MGLL: variants seen among roughly 807,000 people sequenced by gnomAD.
MGLL encodes the protein lysophospholipase homolog.
Under a neutral mutation model 29.1 loss-of-function variants are expected in MGLL, and 7 were observed. The ratio of observed to expected loss-of-function variants is 0.24; its 90% CI spans 0.14 to 0.45. The LOEUF (loss-of-function observed/expected upper bound fraction) is 0.45. Among genes scored for constraint, MGLL ranks in the 20% least tolerant of loss-of-function variants. The pLI, the probability that MGLL is intolerant of heterozygous loss-of-function variation, is 0.99. For synonymous variants in MGLL, 148 were observed against 168.3 expected, an observed-to-expected ratio of 0.88 and a Z score of 0.93; for missense variants, 356 against 413.6, an observed-to-expected ratio of 0.86 and a Z score of 1.21.
chr3:127,720,587 CTAACAGTCAGAG>C (rs1443250164), intron 5 of MGLL, among the ~76,000 whole-genome samples: 1 of 152,192 alleles, frequency 6.6e-6, no homozygotes, highest in Non-Finnish European at 1.5e-5. Context: ...TCACGGATCC[CTAACAGTCAGAG>C]GTCAAAAGTG....
At position 127,754,832 on chromosome 3, in the gene MGLL, G is replaced by A. The variant is rs367547572; in HGVS notation, c.262+26957C>T. Among the ~76,000 whole-genome samples, 41 of 152,336 alleles carry A rather than the reference G, an allele frequency of 2.7e-4. No individual in the cohort carries two copies. In the South Asian group the frequency reaches 6.4e-3, roughly 24 times the overall value. On this transcript the variant is annotated intron_variant, in intron 3 of 7. Transcript: ENST00000265052. ...AGCGAGAACGTCATCAGAGAGGGGC[G>A]CGTGGGGTGTGCATCTTGGGAGCTG...
chr3:127,721,037 T>A lies in MGLL; in HGVS notation c.510+16A>T, dbSNP rs746634110. ...GGGAACCTGTAGGAATTGTACAGAC[T>A]GGAAGGTCCTTTTACCTTGAAAGTT... On this transcript the variant is annotated intron_variant, in intron 5 of 7. Coordinates refer to ENST00000265052, the MANE Select transcript of MGLL (RefSeq NM_007283.7). 4.4e-6 allele frequency: 7 copies of A among 1,606,052 alleles called. No individual in the cohort carries two copies. In the South Asian group the frequency reaches 6.6e-5, roughly 15 times the overall value.
chr3:127,719,897 G>A (rs1356026632), intron 5 of MGLL, among the ~76,000 whole-genome samples: 2 of 152,136 alleles, frequency 1.3e-5, no homozygotes, highest in African/African-American at 2.4e-5. Flanking sequence ...GTAAATCATC[G>A]TTCTCTGGCT....
intron 2 of MGLL, among the ~76,000 whole-genome samples, chr3:127,782,755 G>C (rs1559967171): frequency 6.6e-6 from 1 of 152,242 alleles, no homozygotes; most frequent in Admixed American, 6.5e-5. Context: ...TGAGGGGAAA[G>C]AGGAGGAGGA....
At chr3:127,816,929 C>G (rs964525178) in intron 2 of MGLL, among the ~76,000 whole-genome samples, 1 of 152,260 alleles carries the variant, frequency 6.6e-6, no homozygotes, top group African/African-American at 2.4e-5. Context: ...AGTCCATCCA[C>G]GGCCTGTGTT....
intron 3 of MGLL, among the ~76,000 whole-genome samples, chr3:127,739,937 G>A (rs1160497117): frequency 3.9e-5 from 6 of 152,180 alleles, no homozygotes; most frequent in Non-Finnish European, 7.3e-5. Context: ...CTCATAAAAT[G>A]CAGGTGTGGG....
chr3:127,781,731 G>A (rs1313604361), intron 3 of MGLL, 58 bp downstream of exon 3: 1 of 1,411,296 alleles, frequency 7.1e-7, no homozygotes, highest in East Asian at 2.3e-5. Flanking sequence ...GGACTAGAGA[G>A]GGAGATCTCC....
At chr3:127,698,602 G>A (rs2075418419) in intron 6 of MGLL, among the ~76,000 whole-genome samples, 2 of 152,166 alleles carry the variant, frequency 1.3e-5, no homozygotes, top group South Asian at 4.1e-4. Context: ...GGCGAGTGGG[G>A]AGGGGATGCA....
At chr3:127,708,903 C>G (rs1037945459) in intron 6 of MGLL, among the ~76,000 whole-genome samples, 3 of 152,352 alleles carry the variant, frequency 2.0e-5, no homozygotes, top group African/African-American at 7.2e-5. Flanking sequence ...GGAAACAGAG[C>G]TTAATGACCA....
intron 2 of MGLL, among the ~76,000 whole-genome samples, chr3:127,807,952 C>A (rs768275778): frequency 2.6e-5 from 4 of 151,574 alleles, no homozygotes; most frequent in Non-Finnish European, 5.9e-5. Flanking sequence ...AGTAGGGATG[C>A]GATTTCACCA....
At chr3:127,777,802 T>C (rs944341512) in intron 3 of MGLL, among the ~76,000 whole-genome samples, 1 of 152,192 alleles carries the variant, frequency 6.6e-6, no homozygotes, top group Admixed American at 6.5e-5. Flanking sequence ...TCCTCACTTA[T>C]AAAATGGGGA....
At chr3:127,714,308 G>A (rs2075774488) in intron 5 of MGLL, among the ~76,000 whole-genome samples, 1 of 152,164 alleles carries the variant, frequency 6.6e-6, no homozygotes, top group African/African-American at 2.4e-5. Flanking sequence ...GATGTGGGGA[G>A]AGCACATCCT....
chr3:127,733,794 T>C (rs1159630639), intron 3 of MGLL, among the ~76,000 whole-genome samples: 1 of 152,222 alleles, frequency 6.6e-6, no homozygotes, highest in Non-Finnish European at 1.5e-5. Context: ...AAGGACCCTA[T>C]GCAGCCATCG....
chr3:127,719,779 C>T (rs968058148), intron 5 of MGLL, among the ~76,000 whole-genome samples: 1 of 152,190 alleles, frequency 6.6e-6, no homozygotes, highest in African/African-American at 2.4e-5. Flanking sequence ...GGTACTGTCC[C>T]ACACAGCACT....
At chr3:127,792,484 A>C (rs1316660355) in intron 2 of MGLL, among the ~76,000 whole-genome samples, 2 of 152,140 alleles carry the variant, frequency 1.3e-5, no homozygotes, top group Non-Finnish European at 2.9e-5. Context: ...AGGTCAGATC[A>C]TGAGGTCAAG....
intron 6 of MGLL, among the ~76,000 whole-genome samples, chr3:127,698,198 C>A (rs980375335): frequency 2.0e-5 from 3 of 152,134 alleles, no homozygotes; most frequent in Admixed American, 2.0e-4. Flanking sequence ...TGAACCACAG[C>A]CTGGACCGGA....
chr3:127,744,797 A>C (rs963942193), intron 3 of MGLL, among the ~76,000 whole-genome samples: 1 of 152,218 alleles, frequency 6.6e-6, no homozygotes, highest in African/African-American at 2.4e-5. Flanking sequence ...CCTATACTGT[A>C]TATTCAGAAC....
chr3:127,695,286 G>T, intron 6 of MGLL, 96 bp from the exon 7 acceptor site: 1 of 1,289,164 alleles, frequency 7.8e-7, no homozygotes, highest in Non-Finnish European at 1.1e-6. Flanking sequence ...GCTCTGGCCT[G>T]AAGGGTTGAT....
Position 127,722,484 on chromosome 3 carries a change from A to C in MGLL, c.345T>G (p.Asp115Glu), listed in dbSNP as rs2075948021. The C allele has an allele frequency of 1.2e-6, 2 of 1,614,058 alleles. No homozygotes were observed. Among genetic ancestry groups the C allele is most frequent in the African/African-American group, 2.7e-5 (2 of 74,926 alleles). ...VFVRDVLQHV[D>E]SMQKDYPGLP... The stretch of plus-strand genomic sequence containing the variant: ...GCCCAGGGTAGTCTTTCTGCATGGA[A>C]TCCACATGCTGCAACACATCCCTGA... Residue 115 changes from aspartate (D) to glutamate (E), a missense_variant, in exon 4 of 8, where the codon GAT becomes GAG. Transcript: ENST00000265052.
Sources: gnomAD v4.1 joint callset for allele counts (sites outside exome capture counted in the v4.1 genomes callset) on GRCh38, gnomAD v4.1.1 for gene constraint, MANE v1.5 for transcripts, NCBI Gene and HGNC (gene_info 2026-07-23, HGNC 2026-07-21) for gene names.